The following CDC40 variants were observed in gnomAD, a reference collection of about 807,000 sequenced individuals.
CDC40 encodes pre-mRNA-processing factor 17.
Under a neutral mutation model 80.6 loss-of-function variants are expected in CDC40, and 27 were observed. The observed-to-expected ratio is 0.33, with a 90% confidence interval of 0.25 to 0.46. CDC40 has a LOEUF of 0.46. Ranked by LOEUF, CDC40 falls within the 20% of genes least tolerant of loss-of-function variation. The pLI is 1.00. For synonymous variants in CDC40, 221 were observed against 232.6 expected, an observed-to-expected ratio of 0.95 and a Z score of 0.45; for missense variants, 486 against 694.1, an observed-to-expected ratio of 0.70 and a Z score of 3.37.
Position 110,212,326 on chromosome 6 carries a change from G to A in CDC40, c.867+54G>A, listed in dbSNP as rs1376509125. ...GTAATGTTATAATAATGAAGCCAACGTAAAGTTTTAGCTGTTGATGTGGAA... is the reference window on the plus strand; with the variant it reads ...GTAATGTTATAATAATGAAGCCAACATAAAGTTTTAGCTGTTGATGTGGAA... On this transcript the variant is annotated intron_variant, in intron 7 of 14. Transcript: ENST00000307731. The A allele has an allele frequency of 8.3e-6, 13 of 1,575,344 alleles. 1 individual carries two copies. The East Asian group carries it at 9.0e-5, about 11-fold the overall frequency.
chr6:110,181,314 G>C (rs1465363078), intron 1 of CDC40, among the ~76,000 whole-genome samples: 2 of 152,232 alleles, frequency 1.3e-5, no homozygotes, highest in Admixed American at 6.5e-5. Context: ...TCCAGGCAGA[G>C]GTGACAGGCA....
At chr6:110,215,476 G>T in intron 9 of CDC40, 145 bp downstream of exon 9, 1 of 697,926 alleles carries the variant, frequency 1.4e-6, no homozygotes, top group Non-Finnish European at 2.4e-6. Flanking sequence ...AGTGTCCCCA[G>T]TTAGACAAAG....
Position 110,209,160 on chromosome 6 carries a change from T to C in CDC40, c.567T>C (p.Ile189=). ...TTAAAGAAAATGATGCATCCAATAT[T>C]GATGGTTTTTTGGGACCATGGGCAA... The part of the protein sequence containing the change: ...KKFKENDASN[I]DGFLGPWAKY... Residue 189 remains isoleucine (I), a synonymous_variant, in exon 5 of 15, where the codon ATT becomes ATC. Coordinates refer to ENST00000307731, the MANE Select transcript of CDC40 (RefSeq NM_015891.3). The C allele has an allele frequency of 6.2e-7, 1 of 1,609,216 alleles. No individual in the cohort carries two copies. Among genetic ancestry groups the C allele is most frequent in the South Asian group, 1.1e-5 (1 of 90,976 alleles).
rs758834565 is a variant in CDC40, at chr6:110,180,427, A to G, written c.-18A>G. The G allele has an allele frequency of 1.9e-6, 3 of 1,613,624 alleles. No individual in the cohort carries two copies. Among genetic ancestry groups the G allele is most frequent in the African/African-American group, 1.3e-5 (1 of 74,932 alleles). ...TCTTCCGCCCTGGCAGGGTCTCCGC[A>G]GAAGATTTGTTGCCGTCATGTCGGC... is the stretch of plus-strand genomic sequence containing the variant. On this transcript the variant is annotated 5_prime_UTR_variant, in exon 1 of 15. Coordinates refer to ENST00000307731, the MANE Select transcript of CDC40 (RefSeq NM_015891.3).
At chr6:110,210,964 G>A in intron 6 of CDC40, 161 bp downstream of exon 6, 1 of 326,758 alleles carries the variant, frequency 3.1e-6, no homozygotes, top group Non-Finnish European at 5.8e-6. Flanking sequence ...AATTACAGCA[G>A]ACTTCTGTAT....
At chr6:110,223,724 T>G (rs1176833573) in intron 12 of CDC40, among the ~76,000 whole-genome samples, 1 of 152,230 alleles carries the variant, frequency 6.6e-6, no homozygotes, top group Non-Finnish European at 1.5e-5. Flanking sequence ...AACGGCTTTC[T>G]TAAATAATAC....
chr6:110,228,333 A>G (rs529951841), intron 13 of CDC40, among the ~76,000 whole-genome samples: 1 of 152,276 alleles, frequency 6.6e-6, no homozygotes, highest in Non-Finnish European at 1.5e-5. Context: ...CTAAGTAGAG[A>G]AAAGCATTGT....
chr6:110,212,359 T>G, intron 7 of CDC40, 87 bp downstream of exon 7: 6 of 1,347,496 alleles, frequency 4.5e-6, no homozygotes, highest in Non-Finnish European at 6.3e-6. Flanking sequence ...GAACATTTAG[T>G]ATTTCTGGTA....
In CDC40 at chr6:110,230,211, A is replaced by T; in HGVS notation, c.*80A>T. 1.2e-6 allele frequency: 1 copy of T among 840,204 alleles called. No homozygotes were observed. The highest frequency in any genetic ancestry group is 1.9e-6 in the Non-Finnish European group (1 of 533,778). 52.0% of individuals were successfully genotyped at this position (840,204 alleles called of 1,614,324 possible). On this transcript the variant is annotated 3_prime_UTR_variant, in exon 15 of 15. Coordinates refer to ENST00000307731, the MANE Select transcript of CDC40 (RefSeq NM_015891.3). Reference sequence around the variant, plus strand: ...ATTTAATTATTAAATGTATCTGATGATAACTTGATTTACAGATAATGTTGA... The same window carrying T: ...ATTTAATTATTAAATGTATCTGATGTTAACTTGATTTACAGATAATGTTGA...
chr6:110,215,562 C>T (rs61497634), intron 9 of CDC40, among the ~76,000 whole-genome samples: 23,964 of 152,022 alleles, frequency 0.16, 2,929 homozygotes, highest in African/African-American at 0.35. Flanking sequence ...AGGGGATCCA[C>T]GTACATTTCA....
intron 1 of CDC40, among the ~76,000 whole-genome samples, chr6:110,186,325 G>A (rs1777269461): frequency 6.6e-6 from 1 of 151,902 alleles, no homozygotes; most frequent in Non-Finnish European, 1.5e-5. Context: ...CCTGTCTCTA[G>A]AAAAAATACA....
chr6:110,199,341 A>G (rs1287174190), intron 2 of CDC40, among the ~76,000 whole-genome samples: 1 of 151,808 alleles, frequency 6.6e-6, no homozygotes, highest in African/African-American at 2.4e-5. Context: ...GCCTATAGAC[A>G]TCCCAGCACT....
chr6:110,211,719 G>T (rs931253462), intron 6 of CDC40: 1 of 153,786 alleles, frequency 6.5e-6, no homozygotes, highest in African/African-American at 2.4e-5. Context: ...GAAAAGGATA[G>T]TTGATATATT....
intron 1 of CDC40, among the ~76,000 whole-genome samples, chr6:110,183,091 A>G (rs552642096): frequency 6.6e-6 from 1 of 152,196 alleles, no homozygotes; most frequent in African/African-American, 2.4e-5. Context: ...TCCCTTGCCT[A>G]GTGCCTCCTT....
At chr6:110,188,692 A>T (rs1022458281) in intron 1 of CDC40, among the ~76,000 whole-genome samples, 1 of 152,128 alleles carries the variant, frequency 6.6e-6, no homozygotes, top group Non-Finnish European at 1.5e-5. Flanking sequence ...TCTAATCTGA[A>T]ATTTATCCAC....
intron 2 of CDC40, among the ~76,000 whole-genome samples, chr6:110,200,358 A>T (rs1277888790): frequency 1.3e-5 from 2 of 152,174 alleles, no homozygotes; most frequent in East Asian, 3.9e-4. Flanking sequence ...TGGCTCTGGA[A>T]ATGTATCGTA....
intron 12 of CDC40, among the ~76,000 whole-genome samples, chr6:110,222,080 AC>A (rs1277500361): frequency 6.6e-6 from 1 of 151,236 alleles, no homozygotes; most frequent in Admixed American, 6.6e-5. Flanking sequence ...ACATTGTAAA[AC>A]CCCATCTCTA....
At chr6:110,192,739 T>G (rs1163086202) in intron 1 of CDC40, among the ~76,000 whole-genome samples, 1 of 152,224 alleles carries the variant, frequency 6.6e-6, no homozygotes, top group Non-Finnish European at 1.5e-5. Context: ...ACTTTAGATT[T>G]AGAAGATTCA....
intron 1 of CDC40, among the ~76,000 whole-genome samples, chr6:110,190,521 G>A (rs988946303): frequency 6.6e-6 from 1 of 152,180 alleles, no homozygotes; most frequent in Non-Finnish European, 1.5e-5. Context: ...ATTTATTAGT[G>A]AAGATGGAGT....
Sources: allele counts gnomAD v4.1 joint callset (sites outside exome capture counted in the v4.1 genomes callset), GRCh38; gene constraint gnomAD v4.1.1; transcripts MANE v1.5; gene names NCBI Gene and HGNC (gene_info 2026-07-23, HGNC 2026-07-21).